SLC35F4: variants seen among roughly 807,000 people sequenced by gnomAD.
The protein encoded by SLC35F4 is solute carrier family 35 member F4.
SLC35F4 carries 24 observed loss-of-function variants against 44.2 expected under a neutral mutation model. The observed-to-expected ratio is 0.54, with a 90% CI of 0.39 to 0.76. SLC35F4 has a LOEUF of 0.76. Ranked by LOEUF, SLC35F4 falls within the 30% of genes least tolerant of loss-of-function variation. SLC35F4 has a pLI of 0.00. For missense variants in SLC35F4, 562 were observed against 586.1 expected, an observed-to-expected ratio of 0.96 and a Z score of 0.42; for synonymous variants, 238 against 223.6, an observed-to-expected ratio of 1.06 and a Z score of -0.57.
chr14:57,717,005 C>T (rs1348363307), intron 1 of SLC35F4, among the ~76,000 whole-genome samples: 2 of 152,158 alleles, frequency 1.3e-5, no homozygotes, highest in Non-Finnish European at 2.9e-5. Flanking sequence ...TTTCACTCAA[C>T]ACAGTGTCCT....
intron 1 of SLC35F4, among the ~76,000 whole-genome samples, chr14:57,929,742 G>A (rs910645060): frequency 2.0e-5 from 3 of 152,102 alleles, no homozygotes; most frequent in African/African-American, 4.8e-5. Flanking sequence ...GAAGAAAGCC[G>A]CATGTTATAA....
chr14:57,785,855 G>A (rs1449678461), intron 1 of SLC35F4, among the ~76,000 whole-genome samples: 8 of 152,130 alleles, frequency 5.3e-5, no homozygotes, highest in Non-Finnish European at 5.9e-5. Context: ...GTAAGACTCT[G>A]CAGGGAGAAG....
In SLC35F4 at chr14:57,752,427, T is replaced by C. The variant is rs1255564209; in HGVS notation, c.103+113296A>G. Among the ~76,000 whole-genome samples the C allele has an allele frequency of 2.6e-5, 4 of 151,930 alleles. No individual in the cohort carries two copies. The South Asian group carries it at 6.2e-4, about 24-fold the overall frequency. On this transcript the variant is annotated intron_variant, in intron 1 of 7. Coordinates refer to ENST00000556826, the MANE Select transcript of SLC35F4 (RefSeq NM_001306087.2). The stretch of plus-strand genomic sequence containing the variant: ...CGGTCGGCTCTGCTAGGACACTTGA[T>C]GTGGAGATGGAAAGCCCTGAGGTTT...
At chr14:57,963,844 T>C (rs1181754111) in intron 1 of SLC35F4, among the ~76,000 whole-genome samples, 2 of 147,532 alleles carry the variant, frequency 1.4e-5, no homozygotes, top group African/African-American at 2.5e-5. Context: ...CACTTCAGTC[T>C]CACATGTAGC....
At chr14:57,646,883 A>G (rs901860383) in intron 1 of SLC35F4, among the ~76,000 whole-genome samples, 1 of 152,192 alleles carries the variant, frequency 6.6e-6, no homozygotes, top group Non-Finnish European at 1.5e-5. Context: ...TTATGTACCC[A>G]GTAGTCATTC....
chr14:57,793,532 C>T (rs2077980162), intron 1 of SLC35F4, among the ~76,000 whole-genome samples: 1 of 151,974 alleles, frequency 6.6e-6, no homozygotes, highest in Non-Finnish European at 1.5e-5. Flanking sequence ...AGGATAATGG[C>T]CTCCAGTTCC....
At chr14:57,737,590 G>C (rs62003374) in intron 1 of SLC35F4, among the ~76,000 whole-genome samples, 5,263 of 152,112 alleles carry the variant, frequency 0.035, 133 homozygotes, top group South Asian at 0.061. Context: ...AGCTGTGGAC[G>C]TAAGTACTCA....
chr14:57,609,430 A>C (rs928266626), intron 1 of SLC35F4, among the ~76,000 whole-genome samples: 1 of 152,172 alleles, frequency 6.6e-6, no homozygotes, highest in Non-Finnish European at 1.5e-5. Flanking sequence ...AATCCTCACC[A>C]TAAGGATCAT....
At chr14:57,588,515 C>T (rs1209183948) in intron 3 of SLC35F4, among the ~76,000 whole-genome samples, 1 of 152,174 alleles carries the variant, frequency 6.6e-6, no homozygotes, top group Non-Finnish European at 1.5e-5. Context: ...TGACATCAGC[C>T]CTGTCAGCTT....
At chr14:57,976,061 A>G (rs1279961280), downstream of SLC35F4, among the ~76,000 whole-genome samples, 1 of 152,216 alleles carries the variant, frequency 6.6e-6, no homozygotes, top group Non-Finnish European at 1.5e-5. Flanking sequence ...GAGTTCAATA[A>G]TTAGAAACTA....
chr14:57,831,470 G>A (rs963434243), intron 1 of SLC35F4, among the ~76,000 whole-genome samples: 11 of 152,182 alleles, frequency 7.2e-5, no homozygotes, highest in Admixed American at 5.2e-4. Context: ...ACAGAGGAGG[G>A]TGGAGAAGGG....
intron 1 of SLC35F4, among the ~76,000 whole-genome samples, chr14:57,714,104 C>G (rs1252003599): frequency 6.6e-6 from 1 of 152,144 alleles, no homozygotes; most frequent in Non-Finnish European, 1.5e-5. Flanking sequence ...ACAAACTTAG[C>G]ATGTGAAAGG....
intron 1 of SLC35F4, among the ~76,000 whole-genome samples, chr14:57,698,521 A>G (rs1413827564): frequency 6.6e-6 from 1 of 152,242 alleles, no homozygotes. Context: ...AAGTCTTCCA[A>G]GATACATACT....
chr14:57,677,602 C>A lies in SLC35F4; in HGVS notation c.104-83478G>T, dbSNP rs922063622. 2.0e-5 allele frequency among the ~76,000 whole-genome samples: 3 copies of A among 151,968 alleles called. No individual in the cohort carries two copies. In the South Asian group the frequency reaches 6.2e-4, roughly 31 times the overall value. On this transcript the variant is annotated intron_variant, in intron 1 of 7. Transcript: ENST00000556826. ...AAAGTCTATAAGGATAAGACAAAGACATAGATGAACATGAAAAGGCAGTCT... is the reference window on the plus strand; with the variant it reads ...AAAGTCTATAAGGATAAGACAAAGAAATAGATGAACATGAAAAGGCAGTCT...
chr14:57,697,156 T>A (rs2140352725), intron 1 of SLC35F4, among the ~76,000 whole-genome samples: 1 of 152,288 alleles, frequency 6.6e-6, no homozygotes, highest in African/African-American at 2.4e-5. Context: ...CAAATTTTGA[T>A]ATGTTGTATT....
downstream of SLC35F4, among the ~76,000 whole-genome samples, chr14:57,974,166 T>C (rs377165311): frequency 4.0e-4 from 61 of 152,272 alleles, 1 homozygote; most frequent in African/African-American, 1.7e-4. Context: ...CCAAACAGCT[T>C]CATTCACATG....
chr14:57,927,142 G>T (rs61583526), intron 1 of SLC35F4, among the ~76,000 whole-genome samples: 6,653 of 152,178 alleles, frequency 0.044, 188 homozygotes, highest in Middle Eastern at 0.082. Context: ...TGGGTCAGCC[G>T]TCCCTGTGGA....
chr14:57,619,835 G>T (rs1015686801), intron 1 of SLC35F4, among the ~76,000 whole-genome samples: 1 of 152,070 alleles, frequency 6.6e-6, no homozygotes, highest in Admixed American at 6.6e-5. Flanking sequence ...AACCAGTTCA[G>T]AGAAGAACAC....
intron 1 of SLC35F4, among the ~76,000 whole-genome samples, chr14:57,732,478 C>T (rs766756615): frequency 2.6e-5 from 4 of 152,252 alleles, no homozygotes; most frequent in Non-Finnish European, 2.9e-5. Flanking sequence ...GTAATTAAGA[C>T]AAGCTAAATG....
Sources: gnomAD v4.1 joint callset for allele counts (sites outside exome capture counted in the v4.1 genomes callset) on GRCh38, gnomAD v4.1.1 for gene constraint, MANE v1.5 for transcripts, NCBI Gene and HGNC (gene_info 2026-07-23, HGNC 2026-07-21) for gene names.